Variants in EPHA10 observed in about 807,000 individuals in gnomAD.
The protein encoded by EPHA10 is ephrin type-A receptor 10.
Under a neutral mutation model 109.7 loss-of-function variants are expected in EPHA10, and 120 were observed. That is an observed-to-expected ratio of 1.09 (90% CI 0.94 to 1.27). EPHA10 has a LOEUF of 1.27. Among genes scored for constraint, EPHA10 ranks in the 50% most tolerant of loss-of-function variants. EPHA10 has a pLI of 0.00. For synonymous variants in EPHA10, 640 were observed against 618.9 expected (o/e 1.03, Z -0.51); for missense variants, 1,396 against 1,411.1 (o/e 0.99, Z 0.17).
chr1:37,730,569 T>C (rs1645964540), intron 7 of EPHA10, among the ~76,000 whole-genome samples: 1 of 152,170 alleles, frequency 6.6e-6, no homozygotes, highest in Non-Finnish European at 1.5e-5. Flanking sequence ...AAGCACAATA[T>C]TGCGGAGAAG....
chr1:37,748,660 G>A (rs1344344025), intron 5 of EPHA10, among the ~76,000 whole-genome samples: 1 of 151,926 alleles, frequency 6.6e-6, no homozygotes, highest in African/African-American at 2.4e-5. Context: ...ATATCTAGTA[G>A]GGTATAATCC....
intron 15 of EPHA10, chr1:37,719,045 C>T (rs572520130): frequency 1.3e-4 from 84 of 625,764 alleles, no homozygotes; most frequent in Middle Eastern, 1.3e-3. Flanking sequence ...TTGGCGTATC[C>T]GGAACAGTCT....
chr1:37,734,985 G>T (rs572698675), intron 6 of EPHA10, among the ~76,000 whole-genome samples: 4 of 152,106 alleles, frequency 2.6e-5, no homozygotes, highest in African/African-American at 9.7e-5. Flanking sequence ...AATCTGGACC[G>T]GGCCCCAGAG....
intron 3 of EPHA10, chr1:37,761,101 A>C (rs1646425929): frequency 8.4e-7 from 1 of 1,184,958 alleles, no homozygotes; most frequent in South Asian, 3.4e-5. Context: ...AAAAAAAAAA[A>C]AAACAATGAC....
intron 5 of EPHA10, among the ~76,000 whole-genome samples, chr1:37,747,205 T>C (rs1646253812): frequency 6.6e-6 from 1 of 152,348 alleles, no homozygotes; most frequent in East Asian, 1.9e-4. Flanking sequence ...GGAAAACTCA[T>C]AGCTTTAAAA....
At chr1:37,745,981 C>T (rs369755478) in intron 5 of EPHA10, among the ~76,000 whole-genome samples, 6 of 152,210 alleles carry the variant, frequency 3.9e-5, no homozygotes, top group East Asian at 1.9e-4. Context: ...ATCTGTAATC[C>T]GGTAAGAGCT....
intron 5 of EPHA10, among the ~76,000 whole-genome samples, chr1:37,747,639 G>A (rs1056257297): frequency 5.3e-5 from 8 of 151,732 alleles, no homozygotes; most frequent in Non-Finnish European, 8.8e-5. Context: ...ATGCTGACGT[G>A]CACCTGTAAT....
rs1006561689 is a variant in EPHA10, at chr1:37,718,306, G to A, written c.*66C>T. ...ACACTGCTGGAGCGCAGCTTGCCAC[G>A]GTCCTTGGGCAGGGCTGGGGGACTG... On this transcript the variant is annotated 3_prime_UTR_variant, in exon 17 of 17. Coordinates refer to ENST00000373048, the MANE Select transcript of EPHA10 (RefSeq NM_001099439.2). 329 of 1,380,478 alleles carry A rather than the reference G, an allele frequency of 2.4e-4. No individual in the cohort carries two copies. The highest frequency in any genetic ancestry group is 3.1e-4 in the Non-Finnish European group (308 of 1,001,644). 85.5% of individuals were successfully genotyped at this position (1,380,478 alleles called of 1,614,324 possible). A position where few individuals can be genotyped will look rare whatever the true frequency, so the allele number is the denominator to read the frequency against.
At chr1:37,758,260 TA>T (rs1168115160) in intron 3 of EPHA10, among the ~76,000 whole-genome samples, 3 of 152,198 alleles carry the variant, frequency 2.0e-5, no homozygotes, top group Non-Finnish European at 4.4e-5. Flanking sequence ...ATCCCCCCCA[TA>T]TACACACTTG....
intron 1 of EPHA10, 24 bp from the exon 2 acceptor site, chr1:37,762,873 TA>T (rs1258558811): frequency 3.2e-6 from 5 of 1,545,418 alleles, no homozygotes; most frequent in Admixed American, 2.0e-5. Flanking sequence ...AAGACAGAAA[TA>T]TCAGAAATCG....
At position 37,761,823 on chromosome 1, in the gene EPHA10, T is replaced by C. The variant is rs1247683699; in HGVS notation, c.432A>G (p.Leu144=). 7 of 1,613,300 alleles carry C rather than the reference T, an allele frequency of 4.3e-6. No homozygotes were observed. The South Asian group carries it at 7.7e-5, about 18-fold the overall frequency. The change falls in exon 3 of 17, where the codon CTA becomes CTG. Residue 144 remains leucine, a synonymous_variant. Coordinates refer to ENST00000373048, the MANE Select transcript of EPHA10 (RefSeq NM_001099439.2). ...CGATTTTGCGGGGCCGGCTGCCGCCTAGGCGGGGACGCCCACGGCCCAGGT... is the reference window on the plus strand; with the variant it reads ...CGATTTTGCGGGGCCGGCTGCCGCCCAGGCGGGGACGCCCACGGCCCAGGT... ...EADLGRGRPR[L]GGSRPRKIDT...
Position 37,716,988 on chromosome 1 carries a change from G to A in EPHA10, c.*1384C>T. ...TGAGCCCCCCAAGGGCAGGCTGTGT[G>A]TCTTTTTCATCTTTACCTCTTGTCT... is the stretch of plus-strand genomic sequence containing the variant. On this transcript the variant is annotated 3_prime_UTR_variant, in exon 17 of 17. Coordinates refer to ENST00000373048, the MANE Select transcript of EPHA10 (RefSeq NM_001099439.2). 2 of 232,830 alleles carry A rather than the reference G, an allele frequency of 8.6e-6. No homozygotes were observed. The highest frequency in any genetic ancestry group is 1.2e-4 in the East Asian group (2 of 16,384). The allele number at this position is 232,830 out of a possible 1,614,324, so 14.4% of individuals were successfully genotyped here. A position where few individuals can be genotyped will look rare whatever the true frequency, so the allele number is the denominator to read the frequency against.
At chr1:37,735,425 C>T in intron 5 of EPHA10, 35 bp from the exon 6 acceptor site, 1 of 1,565,362 alleles carries the variant, frequency 6.4e-7, no homozygotes, top group Non-Finnish European at 8.7e-7. Context: ...TCCACCTTGA[C>T]CCACCTCACG....
At chr1:37,726,467 T>C (rs1051568907) in intron 8 of EPHA10, among the ~76,000 whole-genome samples, 27 of 152,338 alleles carry the variant, frequency 1.8e-4, no homozygotes, top group African/African-American at 6.5e-4. Context: ...GGGACCCATC[T>C]GGGCGACTCT....
At chr1:37,714,288 T>C (rs772061108), downstream of EPHA10, among the ~76,000 whole-genome samples, 2 of 152,180 alleles carry the variant, frequency 1.3e-5, no homozygotes, top group Non-Finnish European at 1.5e-5. Context: ...GGAGAAGCAC[T>C]AGCAAGCCAA....
At chr1:37,715,601 C>T (rs1645679318), downstream of EPHA10, among the ~76,000 whole-genome samples, 2 of 152,158 alleles carry the variant, frequency 1.3e-5, no homozygotes, top group Non-Finnish European at 2.9e-5. Context: ...GCCGCACATC[C>T]CACAGGCATC....
chr1:37,717,428 C>T lies in EPHA10; in HGVS notation c.*944G>A, dbSNP rs573276670. 2.6e-4 allele frequency: 61 copies of T among 232,322 alleles called. 1 individual carries two copies. Among genetic ancestry groups the T allele is most frequent in the African/African-American group, 1.3e-3 (58 of 45,374 alleles). The allele number at this position is 232,322 out of a possible 1,614,324, so 14.4% of individuals were successfully genotyped here. A position where few individuals can be genotyped will look rare whatever the true frequency, so the allele number is the denominator to read the frequency against. On this transcript the variant is annotated 3_prime_UTR_variant, in exon 17 of 17. Coordinates refer to ENST00000373048, the MANE Select transcript of EPHA10 (RefSeq NM_001099439.2). ...ATTGGGTTCTGACCTCAGCTCTGCT[C>T]CTGACTCCTCACTTGGCCTCAGTTT...
At chr1:37,720,757 T>C in intron 12 of EPHA10, 26 bp downstream of exon 12, 1 of 1,613,408 alleles carries the variant, frequency 6.2e-7, no homozygotes, top group Non-Finnish European at 8.5e-7. Flanking sequence ...AATAAAGTGG[T>C]CATTGGCAGC....
rs1219474661 is a variant in EPHA10, at chr1:37,754,288, GT to G, written c.932del (p.Asn311ThrfsTer38). 3 of 1,317,414 alleles carry G rather than the reference GT, an allele frequency of 2.3e-6. No individual in the cohort carries two copies. Among genetic ancestry groups the G allele is most frequent in the Non-Finnish European group, 1.9e-6 (2 of 1,027,440 alleles). 81.6% of individuals were successfully genotyped at this position (1,317,414 alleles called of 1,614,324 possible). On this transcript the variant is annotated frameshift_variant, in exon 4 of 17. Coordinates refer to ENST00000373048, the MANE Select transcript of EPHA10 (RefSeq NM_001099439.2). LOFTEE classifies it high-confidence loss of function. This position sits in a 1 kb window ranked among gnomAD's most constrained non-coding sequence, Gnocchi z 4.5. ...PCPEHSRALE[N>X]ASTFCVCQDS... is the part of the protein sequence containing the mutation. ...CCTGGCACACGCAGAAGGTGGAGGC[GT>G]TTTCCAGGGCCCGGCTGTGCTCTGG... is the stretch of plus-strand genomic sequence containing the variant.
Sources: gnomAD v4.1 joint callset for allele counts (sites outside exome capture counted in the v4.1 genomes callset) on GRCh38, gnomAD v4.1.1 for gene constraint, Gnocchi (gnomAD v3.1) non-coding constraint, MANE v1.5 for transcripts, NCBI Gene and HGNC (gene_info 2026-07-23, HGNC 2026-07-21) for gene names.